Variants in IFT43 observed in about 807,000 individuals in gnomAD.
IFT43 encodes the protein intraflagellar transport protein 43 homolog.
A neutral mutation model predicts 32.3 loss-of-function variants in IFT43; 33 were observed. The observed-to-expected ratio is 1.02, with a 90% CI of 0.77 to 1.37. The LOEUF (loss-of-function observed/expected upper bound fraction) is 1.37, where lower values mean the gene tolerates loss of function less well. Ranked by LOEUF, IFT43 falls within the 40% of genes most tolerant of loss-of-function variation. IFT43 has a pLI of 0.00. For synonymous variants in IFT43, 93 were observed against 98.2 expected (o/e 0.95, Z 0.31); for missense variants, 274 against 265.9 (o/e 1.03, Z -0.21).
At chr14:75,991,360 T>A (rs1346367306) in intron 2 of IFT43, among the ~76,000 whole-genome samples, 2 of 132,626 alleles carry the variant, frequency 1.5e-5, no homozygotes, top group East Asian at 2.0e-4. Flanking sequence ...GAGTATATAT[T>A]ATATATATAT....
intron 3 of IFT43, among the ~76,000 whole-genome samples, chr14:76,047,264 G>A (rs947907652): frequency 6.6e-6 from 1 of 152,290 alleles, no homozygotes; most frequent in Admixed American, 6.5e-5. Context: ...TGAGATTAGA[G>A]CTCAGCACGT....
At chr14:76,058,580 A>G (rs2037069653) in intron 3 of IFT43, 62 bp from the exon 4 acceptor site, 1 of 1,603,270 alleles carries the variant, frequency 6.2e-7, no homozygotes, top group Non-Finnish European at 8.5e-7. Flanking sequence ...TCCTCAAGAT[A>G]CTACCTGGTG....
chr14:76,043,192 C>T (rs564655912), intron 3 of IFT43, among the ~76,000 whole-genome samples: 11 of 152,332 alleles, frequency 7.2e-5, no homozygotes, highest in South Asian at 2.1e-4. Flanking sequence ...TTGCTTGAAA[C>T]GAGTCCTTTT....
At chr14:76,012,549 A>G (rs1490050750) in intron 2 of IFT43, among the ~76,000 whole-genome samples, 1 of 152,076 alleles carries the variant, frequency 6.6e-6, no homozygotes, top group Non-Finnish European at 1.5e-5. Context: ...CCCCCTGTTT[A>G]TTTTTGGAGA....
At chr14:76,053,583 G>A (rs182289220) in intron 3 of IFT43, among the ~76,000 whole-genome samples, 6 of 152,292 alleles carry the variant, frequency 3.9e-5, no homozygotes, top group African/African-American at 1.2e-4. Flanking sequence ...CCATCAGCCC[G>A]CCGTGATGTG....
chr14:76,007,785 A>G (rs945960945), intron 2 of IFT43, among the ~76,000 whole-genome samples: 6 of 152,202 alleles, frequency 3.9e-5, no homozygotes, highest in African/African-American at 1.4e-4. Flanking sequence ...GAAATGGGGC[A>G]TGTCTTTATA....
chr14:76,051,936 C>T (rs1463789161), intron 3 of IFT43, among the ~76,000 whole-genome samples: 2 of 152,146 alleles, frequency 1.3e-5, no homozygotes, highest in Non-Finnish European at 1.5e-5. Flanking sequence ...ATAGTCAGAA[C>T]CATTCATCCA....
At chr14:76,018,688 A>C (rs1156497048) in intron 2 of IFT43, among the ~76,000 whole-genome samples, 2 of 152,082 alleles carry the variant, frequency 1.3e-5, no homozygotes, top group East Asian at 3.8e-4. Flanking sequence ...GTCTATTTAG[A>C]TCTAATAATA....
intron 5 of IFT43, among the ~76,000 whole-genome samples, chr14:76,066,879 G>A (rs1406046947): frequency 3.3e-5 from 5 of 152,190 alleles, no homozygotes; most frequent in Non-Finnish European, 7.4e-5. Flanking sequence ...CTTCCCAGTA[G>A]ACAGTCTCCT....
intron 2 of IFT43, 49 bp from the exon 3 acceptor site, chr14:76,022,278 A>G: frequency 8.7e-6 from 13 of 1,501,568 alleles, no homozygotes; most frequent in Non-Finnish European, 1.0e-5. Context: ...AAATAAAATA[A>G]ATGCAAATGT....
intron 5 of IFT43, among the ~76,000 whole-genome samples, chr14:76,064,368 GCTT>G (rs1193400897): frequency 6.6e-6 from 1 of 152,242 alleles, no homozygotes; most frequent in Admixed American, 6.5e-5. Flanking sequence ...ATCGCAGACT[GCTT>G]CTTCAGCCAT....
intron 5 of IFT43, among the ~76,000 whole-genome samples, chr14:76,072,666 T>G (rs1214310017): frequency 6.6e-6 from 1 of 152,186 alleles, no homozygotes; most frequent in African/African-American, 2.4e-5. Context: ...CTGTCAGCAT[T>G]CTGTCATGCT....
At chr14:75,985,994 C>A in intron 1 of IFT43, 154 bp downstream of exon 1, 1 of 1,527,254 alleles carries the variant, frequency 6.5e-7, no homozygotes, top group South Asian at 1.2e-5. Context: ...GCCCCGCCCC[C>A]AGGCCACTGT....
At chr14:75,995,011 T>G (rs1287638092) in intron 2 of IFT43, among the ~76,000 whole-genome samples, 1 of 152,220 alleles carries the variant, frequency 6.6e-6, no homozygotes, top group African/African-American at 2.4e-5. Context: ...TAGCTTTTAT[T>G]TTGCAGATTG....
rs1199480698 is a variant in IFT43, at chr14:76,000,028, G to T, written c.147+11051G>T. Among the ~76,000 whole-genome samples, 4 of 152,286 alleles carry T rather than the reference G, an allele frequency of 2.6e-5. No individual in the cohort carries two copies. The East Asian group carries it at 7.7e-4, about 29-fold the overall frequency. On this transcript the variant is annotated intron_variant, in intron 2 of 8. Coordinates refer to ENST00000314067, the MANE Select transcript of IFT43 (RefSeq NM_001102564.3). ...GCGGTTGGAGCAGTCCTTCTGAGAG[G>T]TGATGAAGGCATCAACCAAGGCAGC...
At chr14:76,051,468 C>T (rs1434830105) in intron 3 of IFT43, among the ~76,000 whole-genome samples, 1 of 151,968 alleles carries the variant, frequency 6.6e-6, no homozygotes, top group Non-Finnish European at 1.5e-5. Flanking sequence ...ATGACAATGG[C>T]AGATTTCTCC....
Position 76,076,634 on chromosome 14 carries a change from G to A in IFT43, c.296-5661G>A, listed in dbSNP as rs150373788. 5.6e-5 allele frequency: 91 copies of A among 1,613,982 alleles called. No homozygotes were observed. In the African/African-American group the frequency reaches 1.1e-3, roughly 19 times the overall value. ...AGGCAAACAACAGCTGGATCTGAAC[G>A]CATGCTATCACAAAACGCATCACAG... On this transcript the variant is annotated intron_variant, in intron 5 of 8. Coordinates refer to ENST00000314067, the MANE Select transcript of IFT43 (RefSeq NM_001102564.3).
At chr14:76,025,638 C>T (rs893860185) in intron 3 of IFT43, among the ~76,000 whole-genome samples, 1 of 151,902 alleles carries the variant, frequency 6.6e-6, no homozygotes, top group Non-Finnish European at 1.5e-5. Flanking sequence ...AATAGAGAAC[C>T]CAGAAATAAG....
At chr14:76,061,223 G>T (rs1316444437) in intron 5 of IFT43, among the ~76,000 whole-genome samples, 1 of 152,100 alleles carries the variant, frequency 6.6e-6, no homozygotes, top group Non-Finnish European at 1.5e-5. Context: ...TCTTATCTTT[G>T]TTCCCCTGTA....
Sources: allele counts gnomAD v4.1 joint callset (sites outside exome capture counted in the v4.1 genomes callset), GRCh38; gene constraint gnomAD v4.1.1; transcripts MANE v1.5; gene names NCBI Gene and HGNC (gene_info 2026-07-23, HGNC 2026-07-21).